The following KCNQ3 variants were observed in gnomAD, a reference collection of about 807,000 sequenced individuals.
KCNQ3 encodes the protein potassium voltage-gated channel subfamily KQT member 3.
Under a neutral mutation model 92.5 loss-of-function variants are expected in KCNQ3, and 30 were observed. The observed-to-expected ratio is 0.32, with a 90% CI of 0.24 to 0.44. The LOEUF (loss-of-function observed/expected upper bound fraction) is 0.44, where lower values mean the gene tolerates loss of function less well. Ranked by LOEUF, KCNQ3 falls within the 20% of genes least tolerant of loss-of-function variation. KCNQ3 has a pLI of 1.00. For missense variants in KCNQ3, 913 were observed against 1,140.3 expected, an observed-to-expected ratio of 0.80 and a Z score of 2.87; for synonymous variants, 450 against 468.8, an observed-to-expected ratio of 0.96 and a Z score of 0.52.
At chr8:132,281,791 C>A (rs1030689244) in intron 1 of KCNQ3, among the ~76,000 whole-genome samples, 1 of 152,180 alleles carries the variant, frequency 6.6e-6, no homozygotes, top group Non-Finnish European at 1.5e-5. Context: ...TGCTCAAAAC[C>A]CTGCAGTGGC....
intron 2 of KCNQ3, 114 bp from the exon 3 acceptor site, chr8:132,184,481 C>A: frequency 2.1e-6 from 2 of 968,458 alleles, no homozygotes; most frequent in African/African-American, 1.7e-5. Flanking sequence ...TGCTGGTTGT[C>A]TGGTTGGCAG....
intron 1 of KCNQ3, among the ~76,000 whole-genome samples, chr8:132,318,384 T>C (rs973543848): frequency 3.3e-5 from 5 of 152,210 alleles, no homozygotes; most frequent in Non-Finnish European, 5.9e-5. Context: ...ATTTCGCAGC[T>C]CAGAGTTGTC....
intron 1 of KCNQ3, among the ~76,000 whole-genome samples, chr8:132,244,863 T>A (rs1815111455): frequency 6.6e-6 from 1 of 151,168 alleles, no homozygotes; most frequent in Non-Finnish European, 1.5e-5. Context: ...CTTTTCATTA[T>A]TTATAGAAGC....
intron 8 of KCNQ3, among the ~76,000 whole-genome samples, 191 bp from the exon 9 acceptor site, chr8:132,163,685 T>G (rs1409480136): frequency 1.3e-5 from 2 of 152,178 alleles, no homozygotes; most frequent in African/African-American, 2.4e-5. Context: ...CCCATGCTAC[T>G]CCCGTTGGCT....
At chr8:132,203,409 T>C (rs1827522620) in intron 1 of KCNQ3, among the ~76,000 whole-genome samples, 1 of 152,130 alleles carries the variant, frequency 6.6e-6, no homozygotes, top group South Asian at 2.1e-4. Flanking sequence ...CTCAAACCAG[T>C]CTCAGCAAAC....
At chr8:132,198,537 C>T (rs190566517) in intron 1 of KCNQ3, among the ~76,000 whole-genome samples, 1 of 152,274 alleles carries the variant, frequency 6.6e-6, no homozygotes, top group Admixed American at 6.5e-5. Context: ...CGGCTGAGCA[C>T]AGTGGCTCAT....
intron 1 of KCNQ3, among the ~76,000 whole-genome samples, chr8:132,357,658 C>T (rs139376645): frequency 6.6e-6 from 1 of 152,198 alleles, no homozygotes; most frequent in East Asian, 1.9e-4. Flanking sequence ...CCATGTCGTC[C>T]AGATCTCCAA....
intron 1 of KCNQ3, among the ~76,000 whole-genome samples, chr8:132,404,709 C>A (rs924188149): frequency 6.6e-6 from 1 of 152,198 alleles, no homozygotes; most frequent in African/African-American, 2.4e-5. Flanking sequence ...TACCTTGGCT[C>A]ATACAAGAAC....
chr8:132,442,316 A>T (rs1821559221), intron 1 of KCNQ3, among the ~76,000 whole-genome samples: 1 of 152,190 alleles, frequency 6.6e-6, no homozygotes, highest in African/African-American at 2.4e-5. Flanking sequence ...GAGCTGTCCC[A>T]GGAGTATAAA....
chr8:132,346,292 G>A (rs1356539095), intron 1 of KCNQ3, among the ~76,000 whole-genome samples: 1 of 152,180 alleles, frequency 6.6e-6, no homozygotes, highest in Non-Finnish European at 1.5e-5. Context: ...TTCCAAAAAA[G>A]GCAGATTGGC....
At chr8:132,406,085 C>T (rs557893390) in intron 1 of KCNQ3, among the ~76,000 whole-genome samples, 12 of 152,300 alleles carry the variant, frequency 7.9e-5, no homozygotes, top group African/African-American at 2.9e-4. Context: ...ATTATGCCAA[C>T]TTTTCCAATT....
chr8:132,164,364 A>C (rs1826081156), intron 8 of KCNQ3, among the ~76,000 whole-genome samples: 1 of 149,728 alleles, frequency 6.7e-6, no homozygotes, highest in South Asian at 2.1e-4. Flanking sequence ...CTTGTCTAAA[A>C]TATGAGCACT....
chr8:132,275,663 C>A (rs1007562914), intron 1 of KCNQ3, among the ~76,000 whole-genome samples: 1 of 151,920 alleles, frequency 6.6e-6, no homozygotes, highest in African/African-American at 2.4e-5. Context: ...CTGCAAGCTC[C>A]GCCTCCCAGG....
chr8:132,259,885 GAATAT>G (rs1341207613), intron 1 of KCNQ3, among the ~76,000 whole-genome samples: 1 of 151,624 alleles, frequency 6.6e-6, no homozygotes, highest in Non-Finnish European at 1.5e-5. Flanking sequence ...ATTAAATTAA[GAATAT>G]AATTACATGT....
chr8:132,408,723 C>A (rs562432240), intron 1 of KCNQ3, among the ~76,000 whole-genome samples: 4 of 152,262 alleles, frequency 2.6e-5, no homozygotes, highest in South Asian at 4.2e-4. Flanking sequence ...GTCAGAGAGT[C>A]AAAACGTTGG....
At chr8:132,375,730 ACT>A (rs1378516185) in intron 1 of KCNQ3, among the ~76,000 whole-genome samples, 1 of 151,390 alleles carries the variant, frequency 6.6e-6, no homozygotes, top group Non-Finnish European at 1.5e-5. Flanking sequence ...GCTGGGTTAC[ACT>A]CTCTCTCCAA....
intron 1 of KCNQ3, among the ~76,000 whole-genome samples, chr8:132,403,360 C>T (rs1820399910): frequency 6.6e-6 from 1 of 152,150 alleles, no homozygotes; most frequent in South Asian, 2.1e-4. Context: ...GGAGACACTC[C>T]CTCAGCAGCC....
intron 1 of KCNQ3, among the ~76,000 whole-genome samples, chr8:132,404,601 G>C (rs1053265280): frequency 1.3e-5 from 2 of 152,074 alleles, no homozygotes; most frequent in Admixed American, 1.3e-4. Context: ...TTCCCCTAAG[G>C]GTTTCAGATT....
chr8:132,226,472 T>A (rs942239143), intron 1 of KCNQ3, among the ~76,000 whole-genome samples: 2 of 152,164 alleles, frequency 1.3e-5, no homozygotes, highest in African/African-American at 2.4e-5. Flanking sequence ...CAAGGTTTTG[T>A]GGTATATCTA....
Sources: gnomAD v4.1 joint callset for allele counts (sites outside exome capture counted in the v4.1 genomes callset) on GRCh38, gnomAD v4.1.1 for gene constraint, MANE v1.5 for transcripts, NCBI Gene and HGNC (gene_info 2026-07-23, HGNC 2026-07-21) for gene names.